ZFHX3: variants seen among roughly 807,000 people sequenced by gnomAD.
ZFHX3 encodes the protein zinc finger homeobox protein 3.
In ZFHX3, 42 loss-of-function variants were observed where a neutral mutation model predicts 279.1. The observed-to-expected ratio is 0.15, with a 90% CI of 0.12 to 0.19. The LOEUF is 0.19. ZFHX3 is among the 10% of genes least tolerant of loss of function. The pLI is 1.00. For synonymous variants in ZFHX3, 2,293 were observed against 1,957.8 expected (o/e 1.17, Z -4.52); for missense variants, 4,981 against 4,754.0 (o/e 1.05, Z -1.40).
chr16:73,622,842 A>C (rs1220602388), intron 2 of ZFHX3, among the ~76,000 whole-genome samples: 1 of 152,128 alleles, frequency 6.6e-6, no homozygotes, highest in Non-Finnish European at 1.5e-5. Context: ...CCCTAAAATA[A>C]ACCGGAGAAA....
intron 2 of ZFHX3, among the ~76,000 whole-genome samples, chr16:73,625,945 C>G (rs2052411548): frequency 1.3e-5 from 2 of 152,200 alleles, no homozygotes; most frequent in Non-Finnish European, 2.9e-5. Context: ...ACAAGCTCCG[C>G]CTCCCGGGTT....
rs144688019 is a variant in ZFHX3 at position 72,849,309 on chromosome 16, C to A, written c.3449-19450G>T. ...AGCCAGAGGAGCTGCAAGAGAAAAA[C>A]GTGGCTTGGTCTCCTCCCAGCAGGT... On this transcript the variant is annotated intron_variant, in intron 4 of 9. Transcript: ENST00000268489. 9.4e-3 allele frequency among the ~76,000 whole-genome samples: 1,425 copies of A among 152,268 alleles called. 12 individuals are homozygous for A. Among genetic ancestry groups the A allele is most frequent in the Non-Finnish European group, 0.016 (1,063 of 68,002 alleles).
chr16:73,310,755 T>C (rs1392925887), intron 4 of ZFHX3, among the ~76,000 whole-genome samples: 2 of 152,016 alleles, frequency 1.3e-5, no homozygotes, highest in East Asian at 1.9e-4. Flanking sequence ...TTTCTAACAA[T>C]AAAAGAATCG....
chr16:73,131,064 T>C, exon 7 of ZFHX3: 1 of 1,104,362 alleles, frequency 9.1e-7, no homozygotes, highest in Non-Finnish European at 1.2e-6. Context: ...TGCTGGCTCT[T>C]GTTAACTTCT....
intron 1 of ZFHX3, among the ~76,000 whole-genome samples, chr16:73,725,880 G>T (rs898858242): frequency 6.6e-6 from 1 of 152,230 alleles, no homozygotes; most frequent in Non-Finnish European, 1.5e-5. Context: ...CAACTCTGTG[G>T]TCACCCCACT....
intron 4 of ZFHX3, among the ~76,000 whole-genome samples, chr16:73,306,165 G>C (rs1284769236): frequency 6.6e-6 from 1 of 152,144 alleles, no homozygotes; most frequent in East Asian, 1.9e-4. Flanking sequence ...CTGCCCTAGA[G>C]TGTATATGTG....
intron 2 of ZFHX3, among the ~76,000 whole-genome samples, chr16:73,597,281 A>G (rs1031326173): frequency 1.3e-5 from 2 of 151,920 alleles, no homozygotes; most frequent in Non-Finnish European, 2.9e-5. Context: ...CCTTCTGTTG[A>G]CCTTCCATAA....
intron 5 of ZFHX3, among the ~76,000 whole-genome samples, chr16:72,815,955 C>A (rs973303267): frequency 6.6e-6 from 1 of 152,172 alleles, no homozygotes; most frequent in African/African-American, 2.4e-5. Context: ...GGCCATTCTA[C>A]TGAGTATTAG....
At chr16:73,603,296 AG>A in intron 2 of ZFHX3, among the ~76,000 whole-genome samples, 2 of 147,388 alleles carry the variant, frequency 1.4e-5, no homozygotes, top group African/African-American at 2.7e-5. Context: ...AAAAAAAAAA[AG>A]AAAGAAAAGA....
chr16:73,884,528 T>C (rs932610621), intron 1 of ZFHX3, among the ~76,000 whole-genome samples: 4 of 152,192 alleles, frequency 2.6e-5, no homozygotes, highest in African/African-American at 9.7e-5. Context: ...TTTAATTAAA[T>C]TGTTTGTTTT....
At chr16:73,382,560 T>C (rs1418577586) in intron 3 of ZFHX3, among the ~76,000 whole-genome samples, 1 of 151,948 alleles carries the variant, frequency 6.6e-6, no homozygotes, top group Non-Finnish European at 1.5e-5. Flanking sequence ...GAATGGATTG[T>C]GGGGGGGCAG....
At position 72,889,843 on chromosome 16, in the gene ZFHX3, G is replaced by A. The variant is rs2144074639; in HGVS notation, c.3336C>T (p.His1112=). Residue 1112 remains histidine, a synonymous_variant, in exon 4 of 10, where the codon CAC becomes CAT. Coordinates refer to ENST00000268489, the MANE Select transcript of ZFHX3 (RefSeq NM_006885.4). ...NLIQHVRSMK[H]QRSESLRKLQ... ...GCTTTCGCAGGCTCTCGCTTCGCTG[G>A]TGCTTCATGGAGCGCACATGCTGGA... The A allele has an allele frequency of 6.2e-7, 1 of 1,614,126 alleles. No individual in the cohort carries two copies. The highest frequency in any genetic ancestry group is 8.5e-7 in the Non-Finnish European group (1 of 1,180,044).
At chr16:72,903,082 G>GAACTC (rs1555528855) in intron 3 of ZFHX3, among the ~76,000 whole-genome samples, 3 of 151,944 alleles carry the variant, frequency 2.0e-5, no homozygotes, top group Admixed American at 1.3e-4. Context: ...GCTCTATGGG[G>GAACTC]AACCCATGAG....
chr16:72,921,069 C>CA (rs57294537), intron 3 of ZFHX3, among the ~76,000 whole-genome samples: 10,530 of 23,454 alleles, frequency 0.45, 2,868 homozygotes, highest in East Asian at 0.55. Flanking sequence ...CAGACCTTGT[C>CA]AAAAAAAAAA....
chr16:73,417,664 A>T (rs1348466265), intron 3 of ZFHX3, among the ~76,000 whole-genome samples: 2 of 151,844 alleles, frequency 1.3e-5, no homozygotes, highest in African/African-American at 2.4e-5. Flanking sequence ...TTTAAAAATA[A>T]TTTTTTAAAA....
At chr16:73,448,481 T>C (rs930818636) in intron 3 of ZFHX3, among the ~76,000 whole-genome samples, 1 of 152,016 alleles carries the variant, frequency 6.6e-6, no homozygotes, top group African/African-American at 2.4e-5. Context: ...TAGTATGAAG[T>C]AGACAAGACT....
intron 3 of ZFHX3, among the ~76,000 whole-genome samples, chr16:73,428,687 G>C (rs2017856399): frequency 6.6e-6 from 1 of 152,120 alleles, no homozygotes; most frequent in South Asian, 2.1e-4. Context: ...TAGACAGACA[G>C]AGAGATAGAA....
chr16:73,758,677 A>T (rs2053835043), intron 1 of ZFHX3, among the ~76,000 whole-genome samples: 2 of 152,194 alleles, frequency 1.3e-5, no homozygotes, highest in Admixed American at 6.5e-5. Flanking sequence ...ACAGGGATGC[A>T]TTATTCAGGG....
chr16:73,315,109 T>A (rs2015414886), intron 4 of ZFHX3, among the ~76,000 whole-genome samples: 1 of 151,014 alleles, frequency 6.6e-6, no homozygotes, highest in African/African-American at 2.4e-5. Flanking sequence ...GCACCTACAA[T>A]CCCAGCTAGT....
Sources: allele counts gnomAD v4.1 joint callset (sites outside exome capture counted in the v4.1 genomes callset), GRCh38; gene constraint gnomAD v4.1.1; transcripts MANE v1.5; gene names NCBI Gene and HGNC (gene_info 2026-07-23, HGNC 2026-07-21).